Variants in TM6SF1 observed in about 807,000 individuals in gnomAD.
TM6SF1 encodes transmembrane 6 superfamily member 1.
A neutral mutation model predicts 47.1 loss-of-function variants in TM6SF1; 43 were observed. That is an observed-to-expected ratio of 0.91 (90% CI 0.72 to 1.18). The LOEUF is 1.18. Among genes scored for constraint, TM6SF1 ranks in the 50% most tolerant of loss-of-function variants. The pLI is 0.00. For missense variants in TM6SF1, 390 were observed against 449.0 expected, an observed-to-expected ratio of 0.87 and a Z score of 1.19; for synonymous variants, 177 against 166.3, an observed-to-expected ratio of 1.06 and a Z score of -0.49.
intron 7 of TM6SF1, among the ~76,000 whole-genome samples, chr15:83,125,714 G>C (rs73455417): frequency 1.2e-4 from 18 of 152,328 alleles, no homozygotes; most frequent in East Asian, 3.9e-4. Flanking sequence ...GTTGGCGCGC[G>C]TAACAGTTGG....
intron 3 of TM6SF1, among the ~76,000 whole-genome samples, chr15:83,118,122 A>T (rs1166412302): frequency 1.3e-5 from 2 of 152,034 alleles, no homozygotes; most frequent in Non-Finnish European, 2.9e-5. Context: ...AGTGCTTTGG[A>T]AGACAAAGGC....
chr15:83,120,291 C>A (rs932327306), intron 4 of TM6SF1, among the ~76,000 whole-genome samples: 1 of 152,216 alleles, frequency 6.6e-6, no homozygotes, highest in Admixed American at 6.5e-5. Context: ...ACCCCAACCA[C>A]AGGAGCTTCT....
intron 6 of TM6SF1, among the ~76,000 whole-genome samples, chr15:83,123,865 CA>C (rs2035489344): frequency 6.6e-6 from 1 of 152,184 alleles, no homozygotes; most frequent in Non-Finnish European, 1.5e-5. Flanking sequence ...CAGTGACAGC[CA>C]GGGCCAAGCA....
intron 2 of TM6SF1, chr15:83,115,091 A>T (rs1184490550): frequency 6.5e-6 from 1 of 153,934 alleles, no homozygotes; most frequent in African/African-American, 2.4e-5. Flanking sequence ...CTTGGGAATC[A>T]TTGAGATGAA....
At chr15:83,117,680 C>T (rs1312249065) in intron 3 of TM6SF1, among the ~76,000 whole-genome samples, 3 of 152,006 alleles carry the variant, frequency 2.0e-5, no homozygotes, top group Non-Finnish European at 4.4e-5. Context: ...ACTGTGGTGG[C>T]AAGGTCTGCA....
At chr15:83,132,663 G>A (rs1466833306) in intron 9 of TM6SF1, 1 of 152,034 alleles carries the variant, frequency 6.6e-6, no homozygotes, top group Non-Finnish European at 1.5e-5. Context: ...CAAAGTGCTG[G>A]GATTATAGGT....
chr15:83,119,910 G>T, intron 4 of TM6SF1: 1 of 457,580 alleles, frequency 2.2e-6, no homozygotes, highest in East Asian at 3.4e-5. Flanking sequence ...GACCCTTTAA[G>T]CTTTCTGATT....
chr15:83,124,904 A>G (rs1029680270), intron 7 of TM6SF1, 128 bp downstream of exon 7: 1 of 801,074 alleles, frequency 1.2e-6, no homozygotes, highest in Non-Finnish European at 2.0e-6. Flanking sequence ...CATTCCTCCC[A>G]TCAAAGCCTG....
intron 1 of TM6SF1, among the ~76,000 whole-genome samples, chr15:83,112,507 G>A (rs1249000491): frequency 2.0e-5 from 3 of 152,130 alleles, no homozygotes; most frequent in Non-Finnish European, 4.4e-5. Flanking sequence ...GCAGGGTGGG[G>A]TGAGGCAGAG....
At chr15:83,127,238 C>G in intron 8 of TM6SF1, 120 bp from the exon 9 acceptor site, 1 of 974,798 alleles carries the variant, frequency 1.0e-6, no homozygotes. Context: ...AAAAAAGAGT[C>G]CCATATAGGA....
intron 3 of TM6SF1, among the ~76,000 whole-genome samples, chr15:83,118,266 T>C (rs1024235682): frequency 1.4e-3 from 196 of 141,474 alleles, no homozygotes; most frequent in East Asian, 9.4e-3. Context: ...CACACACACA[T>C]ACAGAGAGAG....
intron 2 of TM6SF1, chr15:83,113,226 G>A (rs1363283151): frequency 4.9e-6 from 2 of 404,774 alleles, no homozygotes; most frequent in Non-Finnish European, 9.3e-6. Context: ...TCTTCAGCCT[G>A]CTACTAGCAG....
In TM6SF1 at chr15:83,107,772, A is replaced by G; in HGVS notation, c.92A>G (p.Asp31Gly). 6.3e-7 allele frequency: 1 copy of G among 1,578,936 alleles called. No individual in the cohort carries two copies. Among genetic ancestry groups the G allele is most frequent in the Non-Finnish European group, 8.6e-7 (1 of 1,164,188 alleles). Residue 31 changes from aspartate to glycine, a missense_variant and splice_region_variant, in exon 1 of 10, where the codon GAT becomes GGT. Coordinates refer to ENST00000322019, the MANE Select transcript of TM6SF1 (RefSeq NM_023003.5). The surrounding 1 kb of genome is among the most constrained non-coding windows in gnomAD (Gnocchi z 5.6). ...TTCAACCACCTGGCGGCCCAGCATG[A>G]GTGAGTGAGCCGGCGCGGCGGGGGT... The part of the protein sequence containing the change: ...YVFNHLAAQH[D>G]SWTIVGVAAL...
At position 83,136,810 on chromosome 15, in the gene TM6SF1, G is replaced by C; in HGVS notation, c.*138G>C. On this transcript the variant is annotated 3_prime_UTR_variant, in exon 10 of 10. Coordinates refer to ENST00000322019, the MANE Select transcript of TM6SF1 (RefSeq NM_023003.5). ...TTCTTGCTCTGCACTGTATGTGTGA[G>C]CTATATGGTATTGTGTAAATTTTTT... The C allele has an allele frequency of 3.0e-6, 2 of 660,346 alleles. No homozygotes were observed. The highest frequency in any genetic ancestry group is 3.6e-5 in the Admixed American group (1 of 27,700). 40.9% of individuals were successfully genotyped at this position (660,346 alleles called of 1,614,324 possible). A position where few individuals can be genotyped will look rare whatever the true frequency, so the allele number is the denominator to read the frequency against.
chr15:83,115,206 C>CGTA, intron 2 of TM6SF1: 58 of 157,202 alleles, frequency 3.7e-4, no homozygotes, highest in South Asian at 1.3e-3. Flanking sequence ...CAACCTCCGC[C>CGTA]TCCTGGGTTC....
At chr15:83,115,183 T>A (rs1204286046) in intron 2 of TM6SF1, 1 of 158,912 alleles carries the variant, frequency 6.3e-6, no homozygotes, top group Non-Finnish European at 1.4e-5. Flanking sequence ...AGTGGTGTGA[T>A]CTCGGCTCAC....
At position 83,136,736 on chromosome 15, in the gene TM6SF1, T is replaced by C; in HGVS notation, c.*64T>C. The stretch of plus-strand genomic sequence containing the variant: ...TTTTGTTATACTGGTACTGATATTT[T>C]GTCCCATTTCACTCTCTTCTCATAC... On this transcript the variant is annotated 3_prime_UTR_variant, in exon 10 of 10. Transcript: ENST00000322019. 3.6e-6 allele frequency: 5 copies of C among 1,404,348 alleles called. No homozygotes were observed. The highest frequency in any genetic ancestry group is 4.9e-6 in the Non-Finnish European group (5 of 1,026,714). The allele number at this position is 1,404,348 out of a possible 1,614,324, so 87.0% of individuals were successfully genotyped here.
intron 8 of TM6SF1, 130 bp from the exon 9 acceptor site, chr15:83,127,228 A>G: frequency 1.1e-6 from 1 of 914,090 alleles, no homozygotes; most frequent in Non-Finnish European, 1.5e-6. Context: ...AGTAAAAAAA[A>G]AAAAAGAGTC....
At chr15:83,112,391 G>C (rs1269224269) in intron 1 of TM6SF1, among the ~76,000 whole-genome samples, 1 of 152,200 alleles carries the variant, frequency 6.6e-6, no homozygotes, top group Admixed American at 6.5e-5. Context: ...TTTCTGACTG[G>C]CCCTGAGGGA....
Sources: gnomAD v4.1 joint callset for allele counts (sites outside exome capture counted in the v4.1 genomes callset) on GRCh38, gnomAD v4.1.1 for gene constraint, Gnocchi (gnomAD v3.1) non-coding constraint, MANE v1.5 for transcripts, NCBI Gene and HGNC (gene_info 2026-07-23, HGNC 2026-07-21) for gene names.